Variants in GMPS observed in about 807,000 individuals in gnomAD.
GMPS encodes GMP synthase [glutamine-hydrolyzing].
A neutral mutation model predicts 77.9 loss-of-function variants in GMPS; 15 were observed. The observed-to-expected ratio is 0.19, with a 90% CI of 0.13 to 0.30. The LOEUF (loss-of-function observed/expected upper bound fraction) is 0.30. GMPS is among the 10% of genes least tolerant of loss of function. GMPS has a pLI of 1.00. For synonymous variants in GMPS, 224 were observed against 275.9 expected, an observed-to-expected ratio of 0.81 and a Z score of 1.86; for missense variants, 590 against 838.8, an observed-to-expected ratio of 0.70 and a Z score of 3.66.
intron 4 of GMPS, among the ~76,000 whole-genome samples, chr3:155,904,185 G>A (rs1008357964): frequency 3.9e-5 from 6 of 152,216 alleles, no homozygotes; most frequent in South Asian, 4.2e-4. Flanking sequence ...ATTTGAAAAC[G>A]CCTGTGCAGT....
intron 3 of GMPS, among the ~76,000 whole-genome samples, chr3:155,900,601 G>A (rs1239743269): frequency 6.6e-6 from 1 of 152,062 alleles, no homozygotes; most frequent in East Asian, 1.9e-4. Flanking sequence ...AAGAGATAAT[G>A]GCTTAGTGTT....
At chr3:155,887,478 A>T (rs1020646568) in intron 1 of GMPS, among the ~76,000 whole-genome samples, 2 of 152,328 alleles carry the variant, frequency 1.3e-5, no homozygotes, top group Admixed American at 1.3e-4. Flanking sequence ...GACATTCTAC[A>T]AAAAGCTGGT....
chr3:155,928,805 C>T (rs1334322041), intron 12 of GMPS, among the ~76,000 whole-genome samples: 352 of 149,382 alleles, frequency 2.4e-3, no homozygotes, highest in Non-Finnish European at 3.9e-3. Flanking sequence ...TTTGTTCTTG[C>T]GATAGTTTAC....
At chr3:155,902,985 C>G (rs1396556899) in intron 3 of GMPS, among the ~76,000 whole-genome samples, 2 of 152,102 alleles carry the variant, frequency 1.3e-5, no homozygotes, top group Admixed American at 6.6e-5. Context: ...ATGTAGAGGG[C>G]ACCATTTGCT....
rs1287800928 is a variant in GMPS at position 155,936,326 on chromosome 3, A to G, written c.1808-12A>G. 1.3e-6 allele frequency: 2 copies of G among 1,581,776 alleles called. No homozygotes were observed. Among genetic ancestry groups the G allele is most frequent in the African/African-American group, 2.7e-5 (2 of 74,318 alleles). On this transcript the variant is annotated splice_polypyrimidine_tract_variant and intron_variant, in intron 14 of 15. Transcript: ENST00000496455. ...TGGTGTGGTGATTGGTTCTACATAT[A>G]CCTTTCTCTAGGGTATGCTGGGAAA...
chr3:155,892,656 A>C (rs988856310), intron 1 of GMPS, among the ~76,000 whole-genome samples: 1 of 152,214 alleles, frequency 6.6e-6, no homozygotes, highest in African/African-American at 2.4e-5. Context: ...TTTGAGACAG[A>C]ATTTTGCTCT....
chr3:155,937,552 C>A, intron 15 of GMPS, 39 bp from the exon 16 acceptor site: 1 of 849,258 alleles, frequency 1.2e-6, no homozygotes, highest in Non-Finnish European at 2.0e-6. Context: ...GCTGGACATG[C>A]AGTGGATGCT....
chr3:155,900,372 CTT>C (rs538778720), intron 3 of GMPS, among the ~76,000 whole-genome samples: 11 of 131,022 alleles, frequency 8.4e-5, no homozygotes, highest in African/African-American at 8.4e-5. Context: ...TGGCTGGCTT[CTT>C]TTTTTTTTTT....
intron 1 of GMPS, among the ~76,000 whole-genome samples, chr3:155,883,248 T>C (rs1452504967): frequency 2.6e-5 from 4 of 152,210 alleles, no homozygotes; most frequent in South Asian, 2.1e-4. Flanking sequence ...ATTTTTTTTG[T>C]ATTTTTAGTA....
chr3:155,911,932 A>G (rs895683993), intron 7 of GMPS, among the ~76,000 whole-genome samples: 1 of 152,100 alleles, frequency 6.6e-6, no homozygotes, highest in East Asian at 1.9e-4. Context: ...ATGGGTATAC[A>G]GATTATTTTG....
chr3:155,873,638 CTTT>C (rs58365650), intron 1 of GMPS, among the ~76,000 whole-genome samples: 1 of 82,576 alleles, frequency 1.2e-5, no homozygotes, highest in Non-Finnish European at 2.2e-5. Context: ...TGAGTAAGTT[CTTT>C]TTTTTTTTTT....
chr3:155,893,464 A>G, intron 1 of GMPS, 54 bp from the exon 2 acceptor site: 1 of 1,196,418 alleles, frequency 8.4e-7, no homozygotes, highest in Non-Finnish European at 1.2e-6. Context: ...TTTTTTAAGT[A>G]CTGTAGCTTT....
intron 1 of GMPS, among the ~76,000 whole-genome samples, chr3:155,876,604 G>C (rs930094220): frequency 6.6e-6 from 1 of 152,188 alleles, no homozygotes; most frequent in African/African-American, 2.4e-5. Context: ...AGCTGGGTGG[G>C]ATATCGGACT....
intron 9 of GMPS, among the ~76,000 whole-genome samples, chr3:155,917,248 C>T (rs900286463): frequency 6.6e-6 from 1 of 152,168 alleles, no homozygotes; most frequent in African/African-American, 2.4e-5. Context: ...GCTGGGATTA[C>T]AGGTGTGAGC....
In GMPS at chr3:155,919,313, G is replaced by T; in HGVS notation, c.1293G>T (p.Glu431Asp). The stretch of plus-strand genomic sequence containing the variant: ...GCAGAGAACTTGGACTTCCAGAAGA[G>T]TTAGTTTCCAGGCATCCATTTCCAG... ...ILGRELGLPE[E>D]LVSRHPFPGP... is the part of the protein sequence containing the mutation. The change falls in exon 10 of 16, where the codon GAG becomes GAT. Residue 431 changes from glutamate to aspartate, a missense_variant. Transcript: ENST00000496455. 6.3e-7 allele frequency: 1 copy of T among 1,586,446 alleles called. No individual in the cohort carries two copies. The highest frequency in any genetic ancestry group is 8.6e-7 in the Non-Finnish European group (1 of 1,160,580).
intron 1 of GMPS, among the ~76,000 whole-genome samples, chr3:155,877,402 T>C (rs1754077039): frequency 1.3e-5 from 2 of 152,192 alleles, no homozygotes; most frequent in African/African-American, 4.8e-5. Context: ...CCATGTACTC[T>C]GCTTAAAGTA....
chr3:155,915,301 G>A (rs1158623849), intron 8 of GMPS, among the ~76,000 whole-genome samples: 2 of 148,334 alleles, frequency 1.3e-5, no homozygotes, highest in Non-Finnish European at 3.0e-5. Context: ...ACAATGGAGC[G>A]ATCTTGGCTC....
intron 9 of GMPS, among the ~76,000 whole-genome samples, chr3:155,918,137 G>A (rs189695813): frequency 6.6e-6 from 1 of 151,702 alleles, no homozygotes. Context: ...TTATGGTTGT[G>A]TTATCTGACT....
chr3:155,910,466 G>T (rs1489743646), intron 5 of GMPS, among the ~76,000 whole-genome samples: 1 of 151,048 alleles, frequency 6.6e-6, no homozygotes, highest in African/African-American at 2.4e-5. Context: ...CTACTTGGGA[G>T]CCTGAGGCAT....
Sources: gnomAD v4.1 joint callset for allele counts (sites outside exome capture counted in the v4.1 genomes callset) on GRCh38, gnomAD v4.1.1 for gene constraint, MANE v1.5 for transcripts, NCBI Gene and HGNC (gene_info 2026-07-23, HGNC 2026-07-21) for gene names.